Variants in ALX4 observed in about 807,000 individuals in gnomAD.
The protein encoded by ALX4 is ALX homeobox 4.
ALX4 carries 22 observed loss-of-function variants against 40.6 expected under a neutral mutation model. That is an observed-to-expected ratio of 0.54 (90% CI 0.39 to 0.77). The LOEUF is 0.77. Among genes scored for constraint, ALX4 ranks in the 30% least tolerant of loss-of-function variants. ALX4 has a pLI of 0.00. For synonymous variants in ALX4, 266 were observed against 240.5 expected (o/e 1.11, Z -0.98); for missense variants, 556 against 564.8 (o/e 0.98, Z 0.16).
chr11:44,289,892 C>T (rs151248232), intron 1 of ALX4, among the ~76,000 whole-genome samples: 30 of 152,286 alleles, frequency 2.0e-4, no homozygotes, highest in African/African-American at 6.0e-4. Flanking sequence ...ACCCTGTCCC[C>T]GGCAGGACCC....
intron 1 of ALX4, among the ~76,000 whole-genome samples, chr11:44,280,604 T>C (rs2013594): frequency 0.6 from 91,113 of 152,066 alleles, 27,912 homozygotes; most frequent in South Asian, 0.75. Context: ...TCCAAGACAA[T>C]GTAGTCCCAA....
At chr11:44,289,261 C>T (rs765911468) in intron 1 of ALX4, among the ~76,000 whole-genome samples, 1 of 152,140 alleles carries the variant, frequency 6.6e-6, no homozygotes, top group Non-Finnish European at 1.5e-5. Context: ...AAACAAGATA[C>T]CAAGATACCA....
intron 3 of ALX4, among the ~76,000 whole-genome samples, chr11:44,266,378 A>T (rs1956213946): frequency 6.6e-6 from 1 of 152,044 alleles, no homozygotes; most frequent in African/African-American, 2.4e-5. Flanking sequence ...GAGGGGAGAA[A>T]GAGAATGGAA....
In ALX4 at chr11:44,264,333, T is replaced by G; in HGVS notation, c.*521A>C. On this transcript the variant is annotated 3_prime_UTR_variant, in exon 4 of 4. Transcript: ENST00000652299. Reference sequence around the variant, plus strand: ...GGCGCCTTGGCCCCAGCAGGTCGGATTCCGTGTGCTTTCAGGGAGAGAAAG... The same window carrying G: ...GGCGCCTTGGCCCCAGCAGGTCGGAGTCCGTGTGCTTTCAGGGAGAGAAAG... 6.2e-6 allele frequency: 1 copy of G among 162,600 alleles called. No individual in the cohort carries two copies. The highest frequency in any genetic ancestry group is 1.3e-5 in the Non-Finnish European group (1 of 74,592). The allele number at this position is 162,600 out of a possible 1,614,324, so 10.1% of individuals were successfully genotyped here.
intron 1 of ALX4, among the ~76,000 whole-genome samples, chr11:44,300,231 C>A (rs1956427392): frequency 6.6e-6 from 1 of 152,160 alleles, no homozygotes; most frequent in Admixed American, 6.5e-5. Flanking sequence ...TGGTGAATAT[C>A]ACAGAACCCC....
intron 1 of ALX4, among the ~76,000 whole-genome samples, chr11:44,290,449 A>G (rs923720270): frequency 1.3e-5 from 2 of 152,256 alleles, no homozygotes; most frequent in African/African-American, 4.8e-5. Context: ...TATAAAGCCC[A>G]GTAAAACACA....
chr11:44,305,116 G>A (rs1372466725), intron 1 of ALX4, among the ~76,000 whole-genome samples: 2 of 152,178 alleles, frequency 1.3e-5, no homozygotes, highest in African/African-American at 2.4e-5. Flanking sequence ...AACGTTTAAG[G>A]AAACATGTAA....
At chr11:44,306,504 G>A (rs1054670788) in intron 1 of ALX4, among the ~76,000 whole-genome samples, 2 of 152,214 alleles carry the variant, frequency 1.3e-5, no homozygotes, top group Non-Finnish European at 2.9e-5. Context: ...CTTTTGTTAG[G>A]TGTAGTTACA....
At chr11:44,266,489 C>T (rs1956214669) in intron 3 of ALX4, among the ~76,000 whole-genome samples, 1 of 152,204 alleles carries the variant, frequency 6.6e-6, no homozygotes, top group South Asian at 2.1e-4. Context: ...CCCATGAATC[C>T]TGGGCTGGGG....
chr11:44,300,319 A>G (rs1319276831), intron 1 of ALX4, among the ~76,000 whole-genome samples: 1 of 152,212 alleles, frequency 6.6e-6, no homozygotes, highest in Admixed American at 6.5e-5. Context: ...GGAGCCATGC[A>G]GTAGAGCTAT....
rs1044890514 is a variant in ALX4 at position 44,310,027 on chromosome 11, C to A, written c.36G>T (p.Ser12=). Residue 12 remains serine, a synonymous_variant, in exon 1 of 4, where the codon TCG becomes TCT. Transcript: ENST00000652299. ...AGTAGGCGTCCATGGCAGCGGCCGG[C>A]GACTCGCAGTAAGAGACGCAAGTCT... The part of the protein sequence containing the change: ...NAETCVSYCE[S]PAAAMDAYYS... 3 of 1,602,060 alleles carry A rather than the reference C, an allele frequency of 1.9e-6. No individual in the cohort carries two copies. The highest frequency in any genetic ancestry group is 2.6e-6 in the Non-Finnish European group (3 of 1,174,662).
At chr11:44,268,481 G>A (rs554209038) in intron 2 of ALX4, among the ~76,000 whole-genome samples, 33 of 152,300 alleles carry the variant, frequency 2.2e-4, no homozygotes, top group East Asian at 1.2e-3. Flanking sequence ...AGGCCAACCC[G>A]TCACTGAGCA....
intron 1 of ALX4, among the ~76,000 whole-genome samples, chr11:44,285,995 A>G (rs1956336512): frequency 6.6e-6 from 1 of 151,354 alleles, no homozygotes; most frequent in African/African-American, 2.4e-5. Context: ...GTTGAGGGAG[A>G]CTCCTCTGGG....
intron 1 of ALX4, among the ~76,000 whole-genome samples, chr11:44,308,922 A>G (rs1956485621): frequency 6.6e-6 from 1 of 152,248 alleles, no homozygotes; most frequent in Non-Finnish European, 1.5e-5. Flanking sequence ...CACTGCCAGT[A>G]GCGCTCAGGG....
chr11:44,309,512 C>A, intron 1 of ALX4, 85 bp downstream of exon 1: 2 of 1,521,180 alleles, frequency 1.3e-6, no homozygotes, highest in African/African-American at 1.4e-5. Flanking sequence ...CCAACTCATA[C>A]CTCCCGCAAG....
intron 1 of ALX4, 54 bp downstream of exon 1, chr11:44,309,543 G>C: frequency 6.5e-7 from 1 of 1,533,802 alleles, no homozygotes; most frequent in Admixed American, 2.0e-5. Flanking sequence ...CAAGGGATGC[G>C]GAAGCCAAGC....
At chr11:44,272,370 G>T (rs551249827) in intron 2 of ALX4, among the ~76,000 whole-genome samples, 20 of 152,150 alleles carry the variant, frequency 1.3e-4, no homozygotes, top group Non-Finnish European at 2.8e-4. Context: ...CGGGTGTGGT[G>T]GTGCACACCT....
chr11:44,289,326 C>T (rs1019158515), intron 1 of ALX4, among the ~76,000 whole-genome samples: 11 of 152,172 alleles, frequency 7.2e-5, no homozygotes, highest in African/African-American at 2.7e-4. Flanking sequence ...TAGACAGGAG[C>T]TCTCCAACCA....
rs1956220559 is a variant in ALX4 at position 44,267,536 on chromosome 11, T to C, written c.864A>G (p.Ala288=). The change falls in exon 3 of 4, where the codon GCA becomes GCG. Residue 288 remains alanine, a synonymous_variant. Coordinates refer to ENST00000652299, the MANE Select transcript of ALX4 (RefSeq NM_021926.4). The part of the protein sequence containing the change: ...MQQVRTHFST[A]YELPLLTRAE... ...CTCGGGTGAGGAGGGGCAGCTCATA[T>C]GCAGTGGAGAAGTGGGTTCGAACCT... 1.2e-6 allele frequency: 2 copies of C among 1,614,194 alleles called. No individual in the cohort carries two copies. Among genetic ancestry groups the C allele is most frequent in the Non-Finnish European group, 1.7e-6 (2 of 1,180,036 alleles).
Sources: gnomAD v4.1 joint callset for allele counts (sites outside exome capture counted in the v4.1 genomes callset) on GRCh38, gnomAD v4.1.1 for gene constraint, MANE v1.5 for transcripts, NCBI Gene and HGNC (gene_info 2026-07-23, HGNC 2026-07-21) for gene names.